Variants in CLDN10 observed in about 807,000 individuals in gnomAD.
CLDN10 encodes the protein claudin 10.
In CLDN10, 15 loss-of-function variants were observed where a neutral mutation model predicts 22.9. The ratio of observed to expected loss-of-function variants is 0.65; its 90% CI spans 0.44 to 1.01. CLDN10 has a LOEUF of 1.01. Ranked by LOEUF, CLDN10 falls within the 50% of genes least tolerant of loss-of-function variation. The pLI is 0.00. For missense variants in CLDN10, 247 were observed against 287.8 expected (o/e 0.86, Z 1.03); for synonymous variants, 114 against 111.4 (o/e 1.02, Z -0.15).
chr13:95,442,931 G>A (rs2042338437), intron 1 of CLDN10, among the ~76,000 whole-genome samples: 2 of 152,210 alleles, frequency 1.3e-5, no homozygotes, highest in African/African-American at 4.8e-5. Context: ...ACAATCATAA[G>A]TTAGCCGTCA....
In CLDN10 at chr13:95,453,648, C is replaced by A. The variant is rs979127761; in HGVS notation, c.214+19601C>A. Among the ~76,000 whole-genome samples, 41 of 151,538 alleles carry A rather than the reference C, an allele frequency of 2.7e-4. 1 individual carries two copies. Among genetic ancestry groups the A allele is most frequent in the Non-Finnish European group, 4.9e-4 (33 of 67,936 alleles). On this transcript the variant is annotated intron_variant, in intron 1 of 4. Transcript: ENST00000376873. Reference sequence around the variant, plus strand: ...GCAGTGAGCTAAGATTGCACCACTGCACTTCAGCCTGGGCAGCAGAGTGAG... The same window carrying A: ...GCAGTGAGCTAAGATTGCACCACTGAACTTCAGCCTGGGCAGCAGAGTGAG...
At chr13:95,536,860 T>C (rs551078677) in intron 1 of CLDN10, among the ~76,000 whole-genome samples, 8 of 152,206 alleles carry the variant, frequency 5.3e-5, no homozygotes, top group Admixed American at 1.3e-4. Flanking sequence ...GGCGCAAATT[T>C]CTCATGAAAT....
intron 1 of CLDN10, among the ~76,000 whole-genome samples, chr13:95,508,312 G>T (rs1288808568): frequency 6.6e-6 from 1 of 152,098 alleles, no homozygotes; most frequent in Non-Finnish European, 1.5e-5. Context: ...CTCTGCATTA[G>T]TGTTGATAAG....
chr13:95,499,640 T>C (rs1176606520), intron 1 of CLDN10, among the ~76,000 whole-genome samples: 1 of 152,190 alleles, frequency 6.6e-6, no homozygotes, highest in African/African-American at 2.4e-5. Context: ...GATCCAGACC[T>C]GACCAGCCCT....
chr13:95,447,347 C>T (rs937920275), intron 1 of CLDN10, among the ~76,000 whole-genome samples: 4 of 152,212 alleles, frequency 2.6e-5, no homozygotes, highest in Admixed American at 6.5e-5. Context: ...CCTTCCTTGA[C>T]GCGGCGCCTG....
At chr13:95,510,770 A>G (rs1187455506) in intron 1 of CLDN10, among the ~76,000 whole-genome samples, 1 of 152,162 alleles carries the variant, frequency 6.6e-6, no homozygotes, top group African/African-American at 2.4e-5. Context: ...ATATTTTAAT[A>G]TTGATAATTC....
At chr13:95,492,907 A>G (rs113120824) in intron 1 of CLDN10, among the ~76,000 whole-genome samples, 10,025 of 152,136 alleles carry the variant, frequency 0.066, 416 homozygotes, top group Middle Eastern at 0.088. Flanking sequence ...AGCTTGAGGT[A>G]AAGTTGGAAA....
At chr13:95,460,136 T>G (rs1280291746) in intron 1 of CLDN10, among the ~76,000 whole-genome samples, 1 of 152,190 alleles carries the variant, frequency 6.6e-6, no homozygotes, top group Non-Finnish European at 1.5e-5. Flanking sequence ...TGAGACCACC[T>G]CAGCCTGGAC....
At chr13:95,573,567 G>C (rs201262559) in intron 3 of CLDN10, among the ~76,000 whole-genome samples, 24 of 149,584 alleles carry the variant, frequency 1.6e-4, no homozygotes, top group Middle Eastern at 3.5e-3. Context: ...TTTCCAGACA[G>C]AGACTAAATA....
At chr13:95,486,905 G>A (rs573128855) in intron 1 of CLDN10, among the ~76,000 whole-genome samples, 1 of 152,128 alleles carries the variant, frequency 6.6e-6, no homozygotes, top group Admixed American at 6.6e-5. Flanking sequence ...GTTGCACATG[G>A]AAAATTTAAA....
At chr13:95,499,925 GA>G (rs998640361) in intron 1 of CLDN10, among the ~76,000 whole-genome samples, 9 of 151,934 alleles carry the variant, frequency 5.9e-5, no homozygotes, top group Non-Finnish European at 1.2e-4. Flanking sequence ...TGAGCACAAA[GA>G]AAAAAAATAC....
chr13:95,570,858 G>A (rs866956159), intron 3 of CLDN10, among the ~76,000 whole-genome samples: 16 of 119,712 alleles, frequency 1.3e-4, no homozygotes, highest in Non-Finnish European at 1.7e-4. Context: ...ATATACGTGT[G>A]TATATATATA....
chr13:95,503,918 A>G (rs1022546532), intron 1 of CLDN10, among the ~76,000 whole-genome samples: 6 of 152,216 alleles, frequency 3.9e-5, no homozygotes, highest in Non-Finnish European at 8.8e-5. Flanking sequence ...GGTTGCACAA[A>G]TGTGAATATA....
chr13:95,517,975 G>C (rs919752784), intron 1 of CLDN10, among the ~76,000 whole-genome samples: 1 of 147,226 alleles, frequency 6.8e-6, no homozygotes, highest in South Asian at 2.2e-4. Context: ...GCATATGTTT[G>C]ATAATCAACG....
At chr13:95,483,912 G>A (rs2042776656) in intron 1 of CLDN10, among the ~76,000 whole-genome samples, 1 of 152,162 alleles carries the variant, frequency 6.6e-6, no homozygotes, top group Admixed American at 6.5e-5. Flanking sequence ...TAGGTCACAA[G>A]GATGGAGCCC....
rs1167022419 is a variant in CLDN10 at position 95,578,517 on chromosome 13, T to C, written c.*503T>C. The C allele has an allele frequency of 1.3e-5, 2 of 152,252 alleles. No individual in the cohort carries two copies. The highest frequency in any genetic ancestry group is 4.8e-5 in the African/African-American group (2 of 41,458). The allele number at this position is 152,252 out of a possible 1,614,324, so 9.4% of individuals were successfully genotyped here. On this transcript the variant is annotated 3_prime_UTR_variant, in exon 5 of 5. Transcript: ENST00000299339. Reference sequence around the variant, plus strand: ...TCTAGTTTGTTTTTTTTAAGTATTCTACAACATTTATTTAAAAAGGTAAAT... The same window carrying C: ...TCTAGTTTGTTTTTTTTAAGTATTCCACAACATTTATTTAAAAAGGTAAAT...
intron 3 of CLDN10, among the ~76,000 whole-genome samples, chr13:95,572,318 T>C (rs1031057492): frequency 6.6e-6 from 1 of 152,186 alleles, no homozygotes; most frequent in African/African-American, 2.4e-5. Flanking sequence ...ACTTAAAGTG[T>C]ACATAAAAGG....
intron 1 of CLDN10, among the ~76,000 whole-genome samples, chr13:95,491,725 G>T (rs1340579163): frequency 6.6e-6 from 1 of 151,956 alleles, no homozygotes; most frequent in Non-Finnish European, 1.5e-5. Context: ...GATTTTTTGG[G>T]GATACTGAAC....
At chr13:95,484,578 C>T (rs1049847817) in intron 1 of CLDN10, among the ~76,000 whole-genome samples, 19 of 151,018 alleles carry the variant, frequency 1.3e-4, no homozygotes, top group African/African-American at 4.6e-4. Flanking sequence ...TGTGGTGGCT[C>T]ACGCCTGTAA....
Sources: allele counts gnomAD v4.1 joint callset (sites outside exome capture counted in the v4.1 genomes callset), GRCh38; gene constraint gnomAD v4.1.1; transcripts MANE v1.5; gene names NCBI Gene and HGNC (gene_info 2026-07-23, HGNC 2026-07-21).